SZT2: variants seen among roughly 807,000 people sequenced by gnomAD.
The protein encoded by SZT2 is SZT2 subunit of KICSTOR complex.
SZT2 carries 216 observed loss-of-function variants against 404.2 expected under a neutral mutation model. That is an observed-to-expected ratio of 0.53 (90% confidence interval 0.48 to 0.60). The LOEUF is 0.60. Ranked by LOEUF, SZT2 falls within the 20% of genes least tolerant of loss-of-function variation. The pLI is 0.00. For synonymous variants in SZT2, 1,693 were observed against 1,749.9 expected, an observed-to-expected ratio of 0.97 and a Z score of 0.81; for missense variants, 3,857 against 4,459.2, an observed-to-expected ratio of 0.86 and a Z score of 3.85.
In SZT2 at chr1:43,428,298, G is replaced by A. The variant is rs768548993; in HGVS notation, c.3978G>A (p.Ala1326=). The change falls in exon 28 of 72, where the codon GCG becomes GCA. Residue 1326 remains alanine, a synonymous_variant. Coordinates refer to ENST00000634258, the MANE Select transcript of SZT2 (RefSeq NM_001365999.1). ...TGACCTCCCAGGATTTGCTGACAGCGGTAGATGCCTGTGAGGAGCTACTAC... is the reference window on the plus strand; with the variant it reads ...TGACCTCCCAGGATTTGCTGACAGCAGTAGATGCCTGTGAGGAGCTACTAC... ...QSVTSQDLLT[A]VDACEELLQE... 9.9e-6 allele frequency: 16 copies of A among 1,614,022 alleles called. No homozygotes were observed. Among genetic ancestry groups the A allele is most frequent in the African/African-American group, 5.3e-5 (4 of 74,876 alleles).
chr1:43,438,721 C>T lies in SZT2; in HGVS notation c.6531C>T (p.Leu2177=), dbSNP rs775747129. 8.7e-6 allele frequency: 14 copies of T among 1,613,938 alleles called. No homozygotes were observed. Among genetic ancestry groups the T allele is most frequent in the Middle Eastern group, 1.6e-4 (1 of 6,084 alleles). ...AAGGTCCTGAGATCACGGATGAGCT[C>T]GTGCGAGTTCTATGTCGGCGCCTGG... is the stretch of plus-strand genomic sequence containing the variant. ...GQAGPEITDE[L]VRVLCRRLDE... Residue 2177 remains leucine (L), a synonymous_variant, in exon 47 of 72, where the codon CTC becomes CTT. Coordinates refer to ENST00000634258, the MANE Select transcript of SZT2 (RefSeq NM_001365999.1).
chr1:43,415,520 G>A (rs952417060), intron 5 of SZT2, among the ~76,000 whole-genome samples: 1 of 152,164 alleles, frequency 6.6e-6, no homozygotes, highest in African/African-American at 2.4e-5. Context: ...TTAGCATTTT[G>A]TACAATCAGG....
rs986170203 is a variant in SZT2 at position 43,394,370 on chromosome 1, A to G, written c.27+4375A>G. On this transcript the variant is annotated intron_variant, in intron 1 of 71. Transcript: ENST00000634258. Reference sequence around the variant, plus strand: ...ACTACAGGTGTGAGCCACAGCACCCAGTCTGGAGCCCATCAACTCTTAATT... The same window carrying G: ...ACTACAGGTGTGAGCCACAGCACCCGGTCTGGAGCCCATCAACTCTTAATT... Among the ~76,000 whole-genome samples the G allele has an allele frequency of 3.3e-5, 5 of 151,990 alleles. No homozygotes were observed. In the East Asian group the frequency reaches 7.7e-4, roughly 23 times the overall value.
chr1:43,428,125 A>C lies in SZT2; in HGVS notation c.3919+7A>C, dbSNP rs753107706. 1 of 1,613,298 alleles carries C rather than the reference A, an allele frequency of 6.2e-7. No homozygotes were observed. Among genetic ancestry groups the C allele is most frequent in the Admixed American group, 1.7e-5 (1 of 60,010 alleles). On this transcript the variant is annotated splice_region_variant and intron_variant, in intron 27 of 71. Transcript: ENST00000634258. ...CAGCGGTGCTATGTCCGTGGTGAGC[A>C]GGAGGGCCGTGGGAGGGAGGAGTGG...
intron 62 of SZT2, chr1:43,445,569 T>C: frequency 2.6e-6 from 1 of 387,238 alleles, no homozygotes; most frequent in South Asian, 2.9e-5. Context: ...TCCTTGAATT[T>C]TCCTAATCAA....
Position 43,440,028 on chromosome 1 carries a change from G to C in SZT2, c.7190G>C (p.Cys2397Ser), listed in dbSNP as rs1235570611. The change falls in exon 51 of 72, where the codon TGT becomes TCT. Residue 2397 changes from cysteine to serine, a missense_variant. Physicochemically the swap from Cys to Ser is moderately radical, Grantham distance 112. Coordinates refer to ENST00000634258, the MANE Select transcript of SZT2 (RefSeq NM_001365999.1). ...CTTCAGCTGCTGCCAGCTTCACTAT[G>C]TACAGAGGACACACCCACAGGTATG... ...IELQLLPASL[C>S]TEDTPTGSLR... 1 of 1,614,040 alleles carries C rather than the reference G, an allele frequency of 6.2e-7. No individual in the cohort carries two copies. Among genetic ancestry groups the C allele is most frequent in the East Asian group, 2.2e-5 (1 of 44,884 alleles).
In SZT2 at chr1:43,448,530, A is replaced by G. The variant is rs772676543; in HGVS notation, c.9969+46A>G. On this transcript the variant is annotated intron_variant, in intron 69 of 71. Coordinates refer to ENST00000634258, the MANE Select transcript of SZT2 (RefSeq NM_001365999.1). This position sits in a 1 kb window ranked among gnomAD's most constrained non-coding sequence, Gnocchi z 4.2. ...GAAAGAGCTGGGATAGGTGCCAGGAATTCCACTGGCAGCCAGGGCAGAGGG... is the reference window on the plus strand; with the variant it reads ...GAAAGAGCTGGGATAGGTGCCAGGAGTTCCACTGGCAGCCAGGGCAGAGGG... 1.4e-5 allele frequency: 23 copies of G among 1,610,818 alleles called. No homozygotes were observed. Among genetic ancestry groups the G allele is most frequent in the Non-Finnish European group, 1.9e-5 (22 of 1,177,936 alleles).
intron 1 of SZT2, 145 bp downstream of exon 1, chr1:43,390,140 C>G: frequency 1.1e-6 from 1 of 949,534 alleles, no homozygotes; most frequent in Non-Finnish European, 1.4e-6. Flanking sequence ...GAAGGCCCGA[C>G]TATGGTACCC....
Position 43,430,063 on chromosome 1 carries a change from C to A in SZT2, c.4361C>A (p.Pro1454His). The change falls in exon 30 of 72, where the codon CCC becomes CAC. Residue 1454 changes from proline (P) to histidine (H), a missense_variant. Physicochemically the swap from Pro to His is moderately conservative, Grantham distance 77. Transcript: ENST00000634258. ...RLHFRTVPSN[P>H]HYFFYCPPSS... ...CACTTCCGCACAGTGCCTTCCAATC[C>A]CCACTACTTCTTCTATTGCCCTCCA... 6.2e-7 allele frequency: 1 copy of A among 1,614,106 alleles called. No homozygotes were observed. Among genetic ancestry groups the A allele is most frequent in the South Asian group, 1.1e-5 (1 of 91,078 alleles).
chr1:43,409,939 C>G (rs998051742), intron 4 of SZT2: 5 of 152,304 alleles, frequency 3.3e-5, no homozygotes, highest in African/African-American at 1.2e-4. Flanking sequence ...CCACAAAAGA[C>G]CCAGAATAGC....
At chr1:43,445,450 A>C in intron 62 of SZT2, 1 of 256,302 alleles carries the variant, frequency 3.9e-6, no homozygotes, top group Non-Finnish European at 7.8e-6. Context: ...TCTGCACTAA[A>C]CTGTAACGAG....
rs562799762 is a variant in SZT2 at position 43,404,444 on chromosome 1, G to T, written c.392G>T (p.Gly131Val). The part of the protein sequence containing the change: ...VFHALSRCLG[G>V]LLRPFRVPGS... ...CATGCCCTGTCCCGCTGCTTAGGCG[G>T]GCTGCTTCGGCCCTTCCGAGTGCCT... is the stretch of plus-strand genomic sequence containing the variant. Residue 131 changes from glycine (G) to valine (V), a missense_variant, in exon 4 of 72, where the codon GGG (glycine) becomes GTG (valine). Gly to Val is a moderately radical substitution (Grantham distance 109). Around this residue, in one of 7 missense-constraint regions of SZT2, gnomAD observed 536 missense variants for 637.4 expected, o/e 0.84. Coordinates refer to ENST00000634258, the MANE Select transcript of SZT2 (RefSeq NM_001365999.1). 6.2e-7 allele frequency: 1 copy of T among 1,613,990 alleles called. No homozygotes were observed. Among genetic ancestry groups the T allele is most frequent in the African/African-American group, 1.3e-5 (1 of 75,036 alleles).
chr1:43,409,018 AT>A (rs1457378526), intron 4 of SZT2, among the ~76,000 whole-genome samples: 3 of 152,160 alleles, frequency 2.0e-5, no homozygotes, highest in Admixed American at 1.3e-4. Flanking sequence ...TCTATATACA[AT>A]TTTAGGATGG....
In SZT2 at chr1:43,450,530, A is replaced by G. The variant is rs1407422383; in HGVS notation, c.*50A>G. The G allele has an allele frequency of 1.9e-6, 3 of 1,608,710 alleles. No individual in the cohort carries two copies. Among genetic ancestry groups the G allele is most frequent in the Admixed American group, 1.7e-5 (1 of 59,858 alleles). On this transcript the variant is annotated 3_prime_UTR_variant, in exon 72 of 72. Coordinates refer to ENST00000634258, the MANE Select transcript of SZT2 (RefSeq NM_001365999.1). This position sits in a 1 kb window ranked among gnomAD's most constrained non-coding sequence, Gnocchi z 4.3. ...TCACTGTTCCTTGAATCATGGGCCT[A>G]CCAGATTGCCTGCCAGAGGCAGGAC...
chr1:43,424,221 G>C lies in SZT2; in HGVS notation c.2260G>C (p.Glu754Gln). The C allele has an allele frequency of 6.3e-7, 1 of 1,597,240 alleles. No homozygotes were observed. Among genetic ancestry groups the C allele is most frequent in the African/African-American group, 1.3e-5 (1 of 74,890 alleles). The change falls in exon 16 of 72, where the codon GAG becomes CAG. Residue 754 changes from glutamate to glutamine, a missense_variant. Physicochemically the swap from Glu to Gln is conservative, Grantham distance 29 (BLOSUM62 2). Coordinates refer to ENST00000634258, the MANE Select transcript of SZT2 (RefSeq NM_001365999.1). This position sits in a 1 kb window ranked among gnomAD's most constrained non-coding sequence, Gnocchi z 4.1. The stretch of plus-strand genomic sequence containing the variant: ...GGGAGTTGTCCCATTTCCTAGGTAT[G>C]AGAAGCTGCCCTTGGACTACCGGGC... ...KPLDKLLIRY[E>Q]KLPLDYRAPF... is the part of the protein sequence containing the mutation.
intron 4 of SZT2, among the ~76,000 whole-genome samples, chr1:43,413,070 A>G (rs907411529): frequency 6.6e-6 from 1 of 152,234 alleles, no homozygotes; most frequent in East Asian, 1.9e-4. Flanking sequence ...AATGTAAATT[A>G]GTACAACCAC....
At chr1:43,407,562 G>A (rs1478082391) in intron 4 of SZT2, among the ~76,000 whole-genome samples, 2 of 151,744 alleles carry the variant, frequency 1.3e-5, no homozygotes, top group Non-Finnish European at 2.9e-5. Context: ...GCACAGCAGT[G>A]CGTGCCTGTA....
chr1:43,430,426 C>CT (rs1288127285), intron 31 of SZT2, 37 bp downstream of exon 31: 1 of 1,602,290 alleles, frequency 6.2e-7, no homozygotes, highest in Non-Finnish European at 8.5e-7. Context: ...GGAAGGCTGG[C>CT]TGCTTCACGC....
intron 46 of SZT2, chr1:43,438,108 G>A: frequency 3.6e-6 from 2 of 555,102 alleles, no homozygotes; most frequent in South Asian, 2.1e-5. Context: ...ACTCTGCCCT[G>A]GGTCCCTCCT....
Sources: gnomAD v4.1 joint callset for allele counts (sites outside exome capture counted in the v4.1 genomes callset) on GRCh38, gnomAD v4.1.1 for gene constraint, gnomAD v4.1.1 regional missense constraint, Gnocchi (gnomAD v3.1) non-coding constraint, MANE v1.5 for transcripts, NCBI Gene and HGNC (gene_info 2026-07-23, HGNC 2026-07-21) for gene names.